SH3GL3: variants seen among roughly 807,000 people sequenced by gnomAD.
The protein encoded by SH3GL3 is SH3 domain containing GRB2 like 3, endophilin A3.
A neutral mutation model predicts 47.7 loss-of-function variants in SH3GL3; 33 were observed. The observed-to-expected ratio is 0.69, with a 90% confidence interval of 0.52 to 0.92. The LOEUF is 0.92. Ranked by LOEUF, SH3GL3 falls within the 40% of genes least tolerant of loss-of-function variation. SH3GL3 has a pLI of 0.00. For missense variants in SH3GL3, 363 were observed against 417.8 expected, an observed-to-expected ratio of 0.87 and a Z score of 1.14; for synonymous variants, 155 against 148.8, an observed-to-expected ratio of 1.04 and a Z score of -0.30.
intron 1 of SH3GL3, among the ~76,000 whole-genome samples, chr15:83,492,200 T>C (rs927463397): frequency 1.3e-5 from 2 of 148,478 alleles, no homozygotes; most frequent in African/African-American, 5.0e-5. Flanking sequence ...GGAGAATTGC[T>C]TGAACCTGGG....
At chr15:83,620,614 G>T (rs958287319), downstream of SH3GL3, among the ~76,000 whole-genome samples, 1 of 152,144 alleles carries the variant, frequency 6.6e-6, no homozygotes, top group Non-Finnish European at 1.5e-5. Flanking sequence ...TATTTAGTAA[G>T]CCATGCTATA....
At chr15:83,531,747 A>C (rs2043684862) in intron 1 of SH3GL3, among the ~76,000 whole-genome samples, 1 of 152,120 alleles carries the variant, frequency 6.6e-6, no homozygotes, top group Non-Finnish European at 1.5e-5. Context: ...GCCTGGACTG[A>C]GGATATGTTC....
intron 4 of SH3GL3, among the ~76,000 whole-genome samples, chr15:83,569,012 T>C (rs568610957): frequency 9.2e-5 from 14 of 152,040 alleles, no homozygotes; most frequent in African/African-American, 3.4e-4. Context: ...TTCTCGTGCC[T>C]TAGCCTCCCG....
At chr15:83,494,786 G>A (rs1453857032) in intron 1 of SH3GL3, among the ~76,000 whole-genome samples, 2 of 152,010 alleles carry the variant, frequency 1.3e-5, no homozygotes, top group Non-Finnish European at 2.9e-5. Flanking sequence ...CAAGTGATTC[G>A]CTTGCCTCCG....
Position 83,606,220 on chromosome 15 carries a change from T to A in SH3GL3, c.839-11862T>A, listed in dbSNP as rs113966314. On this transcript the variant is annotated intron_variant, in intron 8 of 8. Transcript: ENST00000427482. ...GCACATCAGAGTGAGTTGAAATAAA[T>A]CTCCCAAATGGCTTGTATTAAGACC... Among the ~76,000 whole-genome samples, 914 of 152,194 alleles carry A rather than the reference T, an allele frequency of 6.0e-3. 13 individuals carry two copies. Among genetic ancestry groups the A allele is most frequent in the African/African-American group, 0.02 (820 of 41,494 alleles).
chr15:83,507,218 C>T (rs971496504), intron 1 of SH3GL3, among the ~76,000 whole-genome samples: 2 of 151,890 alleles, frequency 1.3e-5, no homozygotes, highest in African/African-American at 2.4e-5. Context: ...CCGTGTTAAC[C>T]AGGATGGTCT....
intron 8 of SH3GL3, chr15:83,609,531 A>C: frequency 6.1e-6 from 2 of 328,474 alleles, no homozygotes. Context: ...ACAGCGTTGT[A>C]TGAATTACTT....
chr15:83,536,126 G>A lies in SH3GL3; in HGVS notation c.46-23127G>A, dbSNP rs548108696. On this transcript the variant is annotated intron_variant, in intron 1 of 8. Transcript: ENST00000427482. ...ATTTCTATGTGTGAGAGCTCAGAGGGGTCAGCCCCTGTACATATTGGGAAC... is the reference window on the plus strand; with the variant it reads ...ATTTCTATGTGTGAGAGCTCAGAGGAGTCAGCCCCTGTACATATTGGGAAC... Among the ~76,000 whole-genome samples the A allele has an allele frequency of 5.3e-5, 8 of 152,292 alleles. No individual in the cohort carries two copies. In the South Asian group the frequency reaches 1.7e-3, roughly 32 times the overall value.
At chr15:83,493,586 C>T (rs1274863110) in intron 1 of SH3GL3, among the ~76,000 whole-genome samples, 2 of 152,258 alleles carry the variant, frequency 1.3e-5, no homozygotes, top group East Asian at 1.9e-4. Context: ...CCATCCATCC[C>T]GTAGCCAGAC....
intron 8 of SH3GL3, among the ~76,000 whole-genome samples, chr15:83,592,902 G>A (rs952583138): frequency 1.3e-5 from 2 of 151,254 alleles, no homozygotes; most frequent in African/African-American, 4.9e-5. Context: ...TGCATAAGTT[G>A]TCTTCTGCAC....
At chr15:83,570,662 G>T (rs920908735) in intron 4 of SH3GL3, among the ~76,000 whole-genome samples, 1 of 152,192 alleles carries the variant, frequency 6.6e-6, no homozygotes, top group African/African-American at 2.4e-5. Context: ...GGAAGAGATG[G>T]AAGTTGAGAA....
chr15:83,476,520 T>C (rs890622591), intron 1 of SH3GL3, among the ~76,000 whole-genome samples: 1 of 152,264 alleles, frequency 6.6e-6, no homozygotes, highest in Non-Finnish European at 1.5e-5. Context: ...GGGCCAGATA[T>C]GGCCCACTGC....
intron 2 of SH3GL3, 24 bp from the exon 3 acceptor site, chr15:83,565,110 C>T (rs1566991454): frequency 8.8e-7 from 1 of 1,136,362 alleles, no homozygotes; most frequent in Non-Finnish European, 1.3e-6. Context: ...CATTTACTAA[C>T]TTTTTTTAAA....
At chr15:83,560,121 C>G (rs1023120257) in intron 2 of SH3GL3, among the ~76,000 whole-genome samples, 7 of 152,122 alleles carry the variant, frequency 4.6e-5, no homozygotes, top group African/African-American at 1.4e-4. Flanking sequence ...ATTAGACCCC[C>G]CACCCCAGAG....
Position 83,568,581 on chromosome 15 carries a change from G to C in SH3GL3, c.240G>C (p.Gln80His), listed in dbSNP as rs2045665247. Residue 80 changes from glutamine (Q) to histidine (H), a missense_variant, in exon 4 of 9, where the codon CAG becomes CAC. By Grantham distance (24) the Gln-to-His change is conservative. Coordinates refer to ENST00000427482, the MANE Select transcript of SH3GL3 (RefSeq NM_003027.5). ...ACACTGTGTCGAAGATCCGAGGGCA[G>C]GTGAAGACCACAGGATACCCGCAGA... Reference protein sequence around the residue: ...MLNTVSKIRGQVKTTGYPQTE... With the variant: ...MLNTVSKIRGHVKTTGYPQTE... The C allele has an allele frequency of 7.4e-6, 12 of 1,613,254 alleles. No individual in the cohort carries two copies. The highest frequency in any genetic ancestry group is 1.0e-5 in the Non-Finnish European group (12 of 1,179,330).
chr15:83,570,536 T>C (rs184507040), intron 4 of SH3GL3, among the ~76,000 whole-genome samples: 2 of 152,324 alleles, frequency 1.3e-5, no homozygotes, highest in Admixed American at 6.5e-5. Context: ...TAAATTTTGA[T>C]TGAGATTCAT....
intron 1 of SH3GL3, among the ~76,000 whole-genome samples, chr15:83,461,428 A>G (rs547013224): frequency 1.5e-4 from 23 of 152,254 alleles, no homozygotes; most frequent in African/African-American, 5.5e-4. Context: ...AATTTTTATG[A>G]CTTTTATTTA....
At chr15:83,490,699 A>C (rs2041838701) in intron 1 of SH3GL3, 4 of 1,426,444 alleles carry the variant, frequency 2.8e-6, no homozygotes, top group Non-Finnish European at 3.8e-6. Flanking sequence ...AAACAGACCA[A>C]GCTCTCACAA....
chr15:83,573,522 C>T (rs2059591528), intron 5 of SH3GL3, among the ~76,000 whole-genome samples: 1 of 152,222 alleles, frequency 6.6e-6, no homozygotes, highest in Admixed American at 6.5e-5. Context: ...ATAAAGTCCT[C>T]CAGGTGATTC....
Sources: gnomAD v4.1 joint callset for allele counts (sites outside exome capture counted in the v4.1 genomes callset) on GRCh38, gnomAD v4.1.1 for gene constraint, MANE v1.5 for transcripts, NCBI Gene and HGNC (gene_info 2026-07-23, HGNC 2026-07-21) for gene names.